Variants in RBMS1 observed in about 807,000 individuals in gnomAD.
The protein encoded by RBMS1 is RNA binding motif single stranded interacting protein 1.
A neutral mutation model predicts 62.3 loss-of-function variants in RBMS1; 17 were observed. That is an observed-to-expected ratio of 0.27 (90% CI 0.19 to 0.41). RBMS1 has a LOEUF of 0.41. Ranked by LOEUF, RBMS1 falls within the 10% of genes least tolerant of loss-of-function variation. The pLI is 1.00. For missense variants in RBMS1, 334 were observed against 504.5 expected, an observed-to-expected ratio of 0.66 and a Z score of 3.24; for synonymous variants, 172 against 170.0, an observed-to-expected ratio of 1.01 and a Z score of -0.09.
intron 1 of RBMS1, among the ~76,000 whole-genome samples, chr2:160,492,186 A>G (rs974072631): frequency 2.6e-5 from 4 of 152,160 alleles, no homozygotes; most frequent in African/African-American, 9.7e-5. Context: ...TTCTTTTGTG[A>G]TCTAGAAGGG....
chr2:160,336,613 CAAT>C (rs1299358390), intron 2 of RBMS1, among the ~76,000 whole-genome samples: 13 of 152,058 alleles, frequency 8.5e-5, no homozygotes, highest in East Asian at 3.9e-4. Flanking sequence ...AAATTATTTT[CAAT>C]AATATTTTCA....
intron 1 of RBMS1, among the ~76,000 whole-genome samples, chr2:160,392,147 C>G (rs1694897844): frequency 6.6e-6 from 1 of 152,088 alleles, no homozygotes; most frequent in African/African-American, 2.4e-5. Context: ...TTATTTTGTA[C>G]CTACCTATAC....
At chr2:160,310,167 C>T (rs1473675898) in intron 4 of RBMS1, among the ~76,000 whole-genome samples, 1 of 152,152 alleles carries the variant, frequency 6.6e-6, no homozygotes, top group Non-Finnish European at 1.5e-5. Flanking sequence ...ATTTTATTTT[C>T]CTATTTTTCT....
chr2:160,365,162 C>T (rs1040206572), intron 2 of RBMS1, among the ~76,000 whole-genome samples: 1 of 152,166 alleles, frequency 6.6e-6, no homozygotes, highest in African/African-American at 2.4e-5. Context: ...AGGCACGAAA[C>T]TCTCAGCAAG....
At chr2:160,487,167 G>C (rs532248319) in intron 1 of RBMS1, among the ~76,000 whole-genome samples, 1 of 152,138 alleles carries the variant, frequency 6.6e-6, no homozygotes, top group Non-Finnish European at 1.5e-5. Flanking sequence ...AACAATGCTG[G>C]TAAGTAAAAA....
intron 1 of RBMS1, among the ~76,000 whole-genome samples, chr2:160,369,612 C>G (rs1463910309): frequency 1.3e-5 from 2 of 152,150 alleles, no homozygotes; most frequent in Non-Finnish European, 2.9e-5. Flanking sequence ...CACAGTAGGA[C>G]CCAGTATGTT....
intron 1 of RBMS1, among the ~76,000 whole-genome samples, chr2:160,417,497 A>T (rs1209794665): frequency 1.3e-5 from 2 of 152,206 alleles, no homozygotes; most frequent in Non-Finnish European, 2.9e-5. Context: ...GAAGTATCAC[A>T]CTCATCTCTC....
intron 1 of RBMS1, among the ~76,000 whole-genome samples, chr2:160,424,159 C>T (rs1696547341): frequency 6.6e-6 from 1 of 151,850 alleles, no homozygotes; most frequent in African/African-American, 2.4e-5. Context: ...GCTGGGATTA[C>T]AGGCGCCCGC....
intron 1 of RBMS1, among the ~76,000 whole-genome samples, chr2:160,482,574 T>G (rs769893567): frequency 2.0e-5 from 3 of 152,190 alleles, no homozygotes; most frequent in Admixed American, 6.5e-5. Context: ...TCAACTTAAC[T>G]AGATGATTTT....
intron 2 of RBMS1, among the ~76,000 whole-genome samples, chr2:160,336,034 T>C (rs10209870): frequency 0.75 from 114,021 of 152,064 alleles, 43,459 homozygotes; most frequent in East Asian, 0.83. Flanking sequence ...CAGCTCATGT[T>C]AGGGTGTGAA....
chr2:160,367,599 A>T (rs1192821683), intron 1 of RBMS1: 28 of 868,004 alleles, frequency 3.2e-5, no homozygotes, highest in Non-Finnish European at 4.4e-5. Flanking sequence ...ACTAAGTAAA[A>T]GTTCTCTATG....
chr2:160,347,245 C>G, intron 2 of RBMS1, among the ~76,000 whole-genome samples: 1 of 151,834 alleles, frequency 6.6e-6, no homozygotes, highest in South Asian at 2.1e-4. Flanking sequence ...TGTAGATGTA[C>G]GAATTCAAAT....
At chr2:160,301,588 A>T (rs1689209781) in intron 5 of RBMS1, among the ~76,000 whole-genome samples, 1 of 152,206 alleles carries the variant, frequency 6.6e-6, no homozygotes, top group African/African-American at 2.4e-5. Flanking sequence ...AGGTGACAAA[A>T]TGATGCTGAG....
intron 10 of RBMS1, 116 bp from the exon 11 acceptor site, chr2:160,278,774 ACCTT>A (rs1315812440): frequency 3.1e-6 from 2 of 647,210 alleles, no homozygotes; most frequent in Non-Finnish European, 5.3e-6. Flanking sequence ...AGCAAAAACA[ACCTT>A]CCTCAATCTT....
intron 1 of RBMS1, among the ~76,000 whole-genome samples, chr2:160,371,828 T>C (rs530663264): frequency 6.6e-4 from 100 of 152,238 alleles, no homozygotes; most frequent in Middle Eastern, 3.4e-3. Flanking sequence ...CACTGATGCC[T>C]CCTTCCCGCC....
At chr2:160,305,528 T>C (rs989506794) in intron 4 of RBMS1, among the ~76,000 whole-genome samples, 7 of 152,194 alleles carry the variant, frequency 4.6e-5, no homozygotes, top group Admixed American at 3.9e-4. Flanking sequence ...AAGTACACTC[T>C]ATGATGTGCA....
chr2:160,272,467 A>G lies in RBMS1; in HGVS notation c.*2305T>C, dbSNP rs1687628614. ...TAATTTAATGGCTGTCTACTATGTG[A>G]TGTTTAACTGATTTTTTTTTTTTTA... On this transcript the variant is annotated 3_prime_UTR_variant, in exon 14 of 14. Coordinates refer to ENST00000348849, the MANE Select transcript of RBMS1 (RefSeq NM_016836.4). The G allele has an allele frequency of 6.6e-6, 1 of 151,702 alleles. No homozygotes were observed. Among genetic ancestry groups the G allele is most frequent in the South Asian group, 2.1e-4 (1 of 4,818 alleles). 9.4% of individuals were successfully genotyped at this position (151,702 alleles called of 1,614,324 possible).
Position 160,391,775 on chromosome 2 carries a change from C to T in RBMS1, c.76-24384G>A, listed in dbSNP as rs575471558. Among the ~76,000 whole-genome samples the T allele has an allele frequency of 3.9e-5, 6 of 152,118 alleles. No homozygotes were observed. In the South Asian group the frequency reaches 1.0e-3, roughly 26 times the overall value. On this transcript the variant is annotated intron_variant, in intron 1 of 13. Coordinates refer to ENST00000348849, the MANE Select transcript of RBMS1 (RefSeq NM_016836.4). ...GGCAGACCACCTGAGGTCAGGAGTT[C>T]GAGAGCAGCCTGGCCAACATGGCGA...
At chr2:160,362,831 C>T (rs1295348836) in intron 2 of RBMS1, among the ~76,000 whole-genome samples, 1 of 151,746 alleles carries the variant, frequency 6.6e-6, no homozygotes, top group East Asian at 1.9e-4. Context: ...TATGCCTGTA[C>T]CCCTTCCTCC....
Sources: allele counts gnomAD v4.1 joint callset (sites outside exome capture counted in the v4.1 genomes callset), GRCh38; gene constraint gnomAD v4.1.1; transcripts MANE v1.5; gene names NCBI Gene and HGNC (gene_info 2026-07-23, HGNC 2026-07-21).